The following SLC15A1 variants were observed in gnomAD, a reference collection of about 807,000 sequenced individuals.
SLC15A1 encodes solute carrier family 15 member 1.
In SLC15A1, 83 loss-of-function variants were observed where a neutral mutation model predicts 92.9. The observed-to-expected ratio is 0.89, with a 90% CI of 0.75 to 1.07. SLC15A1 has a LOEUF of 1.07. SLC15A1 is among the 50% of genes least tolerant of loss of function. The probability of loss-of-function intolerance (pLI) is 0.00; values close to 1 mark genes in which losing one functional copy is unlikely to be tolerated. For synonymous variants in SLC15A1, 322 were observed against 318.2 expected (o/e 1.01, Z -0.13); for missense variants, 857 against 880.1 (o/e 0.97, Z 0.33).
At chr13:98,710,621 G>A (rs1437713895) in intron 11 of SLC15A1, among the ~76,000 whole-genome samples, 1 of 151,816 alleles carries the variant, frequency 6.6e-6, no homozygotes, top group East Asian at 1.9e-4. Flanking sequence ...TTGGAGACCG[G>A]CCTGGTCAAC....
intron 16 of SLC15A1, among the ~76,000 whole-genome samples, chr13:98,704,927 G>A (rs934161278): frequency 5.3e-5 from 8 of 152,034 alleles, no homozygotes; most frequent in African/African-American, 1.2e-4. Flanking sequence ...GGCTGGGCGC[G>A]GTGGTTCATG....
At chr13:98,748,118 G>C (rs866767322) in intron 1 of SLC15A1, among the ~76,000 whole-genome samples, 1 of 152,170 alleles carries the variant, frequency 6.6e-6, no homozygotes, top group South Asian at 2.1e-4. Context: ...TGTTGTTTAC[G>C]GGCTTATGTT....
At position 98,726,405 on chromosome 13, in the gene SLC15A1, A is replaced by G. The variant is rs766960822; in HGVS notation, c.66T>C (p.Asn22=). ...AGTAGGAAAATCTTTCGCAAAACTC[A>G]TTGACCACGATGAAGAAGATGCTCA... is the stretch of plus-strand genomic sequence containing the variant. The part of the protein sequence containing the change: ...YPLSIFFIVV[N]EFCERFSYYG... Residue 22 remains asparagine, a synonymous_variant, in exon 3 of 23, where the codon AAT becomes AAC. Coordinates refer to ENST00000376503, the MANE Select transcript of SLC15A1 (RefSeq NM_005073.4). 2 of 1,614,182 alleles carry G rather than the reference A, an allele frequency of 1.2e-6. No individual in the cohort carries two copies. The highest frequency in any genetic ancestry group is 1.7e-6 in the Non-Finnish European group (2 of 1,180,008).
chr13:98,695,020 C>CAAAAAAAA (rs1170231960), intron 18 of SLC15A1, among the ~76,000 whole-genome samples: 3 of 73,666 alleles, frequency 4.1e-5, no homozygotes, highest in East Asian at 4.1e-4. Flanking sequence ...GACTCCGTCT[C>CAAAAAAAA]AAAAAAAAAA....
intron 8 of SLC15A1, among the ~76,000 whole-genome samples, chr13:98,719,008 T>C (rs2088233212): frequency 6.6e-6 from 1 of 152,196 alleles, no homozygotes; most frequent in Non-Finnish European, 1.5e-5. Context: ...AATGACCAAC[T>C]CAGTTGGTTC....
chr13:98,720,625 A>G (rs2088249131), intron 7 of SLC15A1: 1 of 162,858 alleles, frequency 6.1e-6, no homozygotes, highest in Non-Finnish European at 1.4e-5. Context: ...ATTCCCTTCC[A>G]CATGGGAAAT....
intron 18 of SLC15A1, among the ~76,000 whole-genome samples, chr13:98,691,981 G>A (rs2087982539): frequency 6.6e-6 from 1 of 151,814 alleles, no homozygotes; most frequent in Non-Finnish European, 1.5e-5. Context: ...GCTGAGGCAG[G>A]AGAATCGCTT....
intron 16 of SLC15A1, 147 bp downstream of exon 16, chr13:98,705,987 A>G: frequency 1.3e-6 from 1 of 779,212 alleles, no homozygotes; most frequent in Non-Finnish European, 2.0e-6. Flanking sequence ...ACTGGTTTAG[A>G]ATATAGCCAA....
chr13:98,707,790 G>C (rs1488330827), intron 15 of SLC15A1, among the ~76,000 whole-genome samples: 1 of 150,926 alleles, frequency 6.6e-6, no homozygotes, highest in Non-Finnish European at 1.5e-5. Context: ...AGCTACTCAG[G>C]AGGCTGAGGT....
intron 9 of SLC15A1, among the ~76,000 whole-genome samples, chr13:98,714,803 C>T (rs1415148331): frequency 6.6e-6 from 1 of 151,360 alleles, no homozygotes; most frequent in African/African-American, 2.4e-5. Flanking sequence ...ATAAATGACA[C>T]ATTTACCTCC....
chr13:98,723,262 G>A (rs1314481548), intron 5 of SLC15A1, among the ~76,000 whole-genome samples: 4 of 152,150 alleles, frequency 2.6e-5, no homozygotes, highest in Admixed American at 2.6e-4. Context: ...CAACTGATAA[G>A]CCAGCAGTGT....
chr13:98,727,304 C>A (rs1156804017), intron 1 of SLC15A1, among the ~76,000 whole-genome samples: 6 of 152,214 alleles, frequency 3.9e-5, no homozygotes, highest in Non-Finnish European at 8.8e-5. Flanking sequence ...TTGGGCCCTG[C>A]CTGCCAGGCT....
chr13:98,697,452 C>T (rs868734823), intron 18 of SLC15A1, among the ~76,000 whole-genome samples: 3 of 150,840 alleles, frequency 2.0e-5, no homozygotes, highest in South Asian at 2.1e-4. Context: ...AGAAGAGGAA[C>T]GAAGGAACAA....
At position 98,715,881 on chromosome 13, in the gene SLC15A1, G is replaced by A. The variant is rs770731724; in HGVS notation, c.720C>T (p.Ile240=). 1.1e-5 allele frequency: 17 copies of A among 1,613,594 alleles called. No homozygotes were observed. Among genetic ancestry groups the A allele is most frequent in the Admixed American group, 1.0e-4 (6 of 59,986 alleles). Residue 240 remains isoleucine, a synonymous_variant, in exon 9 of 23, where the codon ATC becomes ATT. Transcript: ENST00000376503. The stretch of plus-strand genomic sequence containing the variant: ...AAAGAGCAGCTGAGATACTTACACC[G>A]ATGCACTTGGCCACTTTACCCATGA... ...GNIMGKVAKC[I]GFAIKNRFRH... is the part of the protein sequence containing the mutation.
At chr13:98,713,775 A>G (rs2088187455) in intron 9 of SLC15A1, among the ~76,000 whole-genome samples, 1 of 152,144 alleles carries the variant, frequency 6.6e-6, no homozygotes, top group Non-Finnish European at 1.5e-5. Context: ...GGCCAGGCGC[A>G]GTGGCTCACA....
intron 9 of SLC15A1, among the ~76,000 whole-genome samples, chr13:98,714,007 C>T (rs1306024977): frequency 3.4e-5 from 5 of 148,106 alleles, no homozygotes; most frequent in African/African-American, 7.5e-5. Context: ...GAGCCGAGAT[C>T]GTGCTACTAC....
At chr13:98,704,928 G>A in intron 16 of SLC15A1, among the ~76,000 whole-genome samples, 1 of 152,072 alleles carries the variant, frequency 6.6e-6, no homozygotes, top group East Asian at 1.9e-4. Flanking sequence ...GCTGGGCGCG[G>A]TGGTTCATGC....
chr13:98,746,367 A>G, intron 1 of SLC15A1, among the ~76,000 whole-genome samples: 1 of 152,136 alleles, frequency 6.6e-6, no homozygotes, highest in Middle Eastern at 3.4e-3. Context: ...AATGATTTAT[A>G]TTTTTTTGGG....
At chr13:98,710,820 A>G (rs1194806993) in intron 11 of SLC15A1, among the ~76,000 whole-genome samples, 1 of 151,442 alleles carries the variant, frequency 6.6e-6, no homozygotes, top group Non-Finnish European at 1.5e-5. Flanking sequence ...AAAAAAAAAA[A>G]AAAAAAAAAA....
Sources: allele counts gnomAD v4.1 joint callset (sites outside exome capture counted in the v4.1 genomes callset), GRCh38; gene constraint gnomAD v4.1.1; transcripts MANE v1.5; gene names NCBI Gene and HGNC (gene_info 2026-07-23, HGNC 2026-07-21).